The following UNC13C variants were observed in gnomAD, a reference collection of about 807,000 sequenced individuals.
UNC13C encodes protein unc-13 homolog C.
UNC13C carries 174 observed loss-of-function variants against 245.4 expected under a neutral mutation model. That is an observed-to-expected ratio of 0.71 (90% CI 0.63 to 0.80). UNC13C has a LOEUF of 0.80. UNC13C is among the 30% of genes least tolerant of loss of function. The probability of loss-of-function intolerance (pLI) is 0.00; values close to 1 mark genes in which losing one functional copy is unlikely to be tolerated. For missense variants in UNC13C, 2,829 were observed against 2,602.9 expected (o/e 1.09, Z -1.89); for synonymous variants, 992 against 895.1 (o/e 1.11, Z -1.93).
rs79922007 is a variant in UNC13C at position 54,354,375 on chromosome 15, C to T, written c.4713+15886C>T. Among the ~76,000 whole-genome samples, 615 of 152,250 alleles carry T rather than the reference C, an allele frequency of 4.0e-3. 25 individuals carry two copies. The East Asian group carries it at 0.084, about 21-fold the overall frequency. ...ATAACACCATGCACTGAAACACAAA[C>T]AGTTTTTGATTCGGTGCTGCTTCTA... On this transcript the variant is annotated intron_variant, in intron 17 of 32. Coordinates refer to ENST00000260323, the MANE Select transcript of UNC13C (RefSeq NM_001080534.3).
chr15:54,400,381 T>C (rs987095470), intron 18 of UNC13C, among the ~76,000 whole-genome samples: 2 of 152,120 alleles, frequency 1.3e-5, no homozygotes, highest in African/African-American at 4.8e-5. Flanking sequence ...TTTTATTTTA[T>C]TTATACCGTT....
chr15:53,867,560 T>C, the UNC13C span, among the ~76,000 whole-genome samples: 125 of 152,238 alleles, frequency 8.2e-4, no homozygotes, highest in Middle Eastern at 3.4e-3. Flanking sequence ...TCTTTTCTGG[T>C]GAGAAAAGAC....
chr15:54,224,609 T>A (rs371955492), intron 4 of UNC13C, among the ~76,000 whole-genome samples: 2 of 152,184 alleles, frequency 1.3e-5, no homozygotes, highest in East Asian at 3.8e-4. Context: ...TACTTTCTTT[T>A]TTTGTTCATG....
At chr15:54,613,651 A>G (rs1026324475) in intron 30 of UNC13C, among the ~76,000 whole-genome samples, 1 of 152,030 alleles carries the variant, frequency 6.6e-6, no homozygotes, top group African/African-American at 2.4e-5. Context: ...GGCCTTAACT[A>G]TTTGTGTAAT....
chr15:54,273,869 T>C (rs1443282784), intron 10 of UNC13C, among the ~76,000 whole-genome samples: 1 of 152,198 alleles, frequency 6.6e-6, no homozygotes, highest in African/African-American at 2.4e-5. Context: ...GTACTGTCCC[T>C]GGCCAAACTG....
chr15:54,305,197 A>G (rs542297566), intron 13 of UNC13C, among the ~76,000 whole-genome samples: 14 of 152,212 alleles, frequency 9.2e-5, no homozygotes, highest in Admixed American at 2.0e-4. Flanking sequence ...ATTTATTTTT[A>G]CCTTCTCCTA....
chr15:54,205,715 T>G (rs1426578605), intron 4 of UNC13C, among the ~76,000 whole-genome samples: 1 of 152,064 alleles, frequency 6.6e-6, no homozygotes, highest in Non-Finnish European at 1.5e-5. Flanking sequence ...CTTTTAAGCT[T>G]CTCTACTTTT....
chr15:54,237,453 T>G (rs1250758160), intron 6 of UNC13C, 166 bp from the exon 7 acceptor site: 4 of 705,152 alleles, frequency 5.7e-6, no homozygotes, highest in African/African-American at 3.5e-5. Flanking sequence ...TAATATTGTA[T>G]AAGTCCATAT....
In UNC13C at chr15:54,393,144, G is replaced by A. The variant is rs267604264; in HGVS notation, c.4810G>A (p.Asp1604Asn). Reference protein sequence around the residue: ...QLITLMVTIIDEDKTAYTPVL... With the variant: ...QLITLMVTIINEDKTAYTPVL... ...TATTACACTGATGGTTACTATTATTGATGAGGATAAAACTGCCTACACACC... is the reference window on the plus strand; with the variant it reads ...TATTACACTGATGGTTACTATTATTAATGAGGATAAAACTGCCTACACACC... The change falls in exon 18 of 33, where the codon GAT (aspartate) becomes AAT (asparagine). Residue 1604 changes from aspartate (D) to asparagine (N), a missense_variant. Coordinates refer to ENST00000260323, the MANE Select transcript of UNC13C (RefSeq NM_001080534.3). 1 of 1,609,072 alleles carries A rather than the reference G, an allele frequency of 6.2e-7. No individual in the cohort carries two copies. Among genetic ancestry groups the A allele is most frequent in the South Asian group, 1.1e-5 (1 of 90,414 alleles).
At chr15:54,475,273 G>T (rs1347735446) in intron 19 of UNC13C, among the ~76,000 whole-genome samples, 1 of 138,060 alleles carries the variant, frequency 7.2e-6, no homozygotes, top group Non-Finnish European at 1.6e-5. Flanking sequence ...GAGGGGTATG[G>T]TTTTTTGTTT....
intron 32 of UNC13C, among the ~76,000 whole-genome samples, chr15:54,624,458 G>A (rs1157181788): frequency 6.6e-6 from 1 of 152,140 alleles, no homozygotes; most frequent in Non-Finnish European, 1.5e-5. Flanking sequence ...TATTTAAGAA[G>A]CAGCACATCA....
At chr15:54,576,305 C>T (rs1897953344) in intron 30 of UNC13C, among the ~76,000 whole-genome samples, 1 of 152,220 alleles carries the variant, frequency 6.6e-6, no homozygotes, top group Non-Finnish European at 1.5e-5. Context: ...AGAAATCAGT[C>T]TATCATTATT....
At chr15:54,591,519 G>A (rs1444002320) in intron 30 of UNC13C, among the ~76,000 whole-genome samples, 5 of 152,068 alleles carry the variant, frequency 3.3e-5, no homozygotes, top group African/African-American at 1.2e-4. Context: ...AGGCTAGGAG[G>A]GTTGTATTTT....
At chr15:54,067,525 T>C (rs767268512) in intron 2 of UNC13C, among the ~76,000 whole-genome samples, 4 of 152,206 alleles carry the variant, frequency 2.6e-5, no homozygotes, top group Non-Finnish European at 5.9e-5. Context: ...TCTATGATAA[T>C]GCATTTGAAT....
At chr15:54,282,555 G>T (rs140480081) in intron 10 of UNC13C, among the ~76,000 whole-genome samples, 1 of 152,220 alleles carries the variant, frequency 6.6e-6, no homozygotes, top group Non-Finnish European at 1.5e-5. Context: ...ACCCCAGAGG[G>T]GGTGTTACAG....
At chr15:54,563,591 A>G (rs1201525054) in intron 29 of UNC13C, among the ~76,000 whole-genome samples, 2 of 151,988 alleles carry the variant, frequency 1.3e-5, no homozygotes, top group Non-Finnish European at 2.9e-5. Context: ...ATGGAAAATA[A>G]TGCACTTTTC....
intron 4 of UNC13C, among the ~76,000 whole-genome samples, chr15:54,172,316 C>A (rs747059193): frequency 6.6e-6 from 1 of 151,898 alleles, no homozygotes; most frequent in Non-Finnish European, 1.5e-5. Context: ...CCCATTGACT[C>A]TTATGTGATT....
chr15:54,122,781 A>C (rs929160768), intron 2 of UNC13C, among the ~76,000 whole-genome samples: 14 of 152,060 alleles, frequency 9.2e-5, no homozygotes, highest in African/African-American at 3.4e-4. Context: ...GTTGAGAGCT[A>C]TCCATATTTG....
intron 30 of UNC13C, among the ~76,000 whole-genome samples, chr15:54,606,746 C>G (rs1243812612): frequency 6.6e-6 from 1 of 152,192 alleles, no homozygotes; most frequent in Admixed American, 6.5e-5. Flanking sequence ...AAATCTCAGT[C>G]TTGAGCATCT....
Sources: gnomAD v4.1 joint callset for allele counts (sites outside exome capture counted in the v4.1 genomes callset) on GRCh38, gnomAD v4.1.1 for gene constraint, MANE v1.5 for transcripts, NCBI Gene and HGNC (gene_info 2026-07-23, HGNC 2026-07-21) for gene names.